Variants in RALY observed in about 807,000 individuals in gnomAD.
The protein encoded by RALY is RNA-binding protein Raly.
In RALY, 15 loss-of-function variants were observed where a neutral mutation model predicts 30.7. That is an observed-to-expected ratio of 0.49 (90% CI 0.33 to 0.75). RALY has a LOEUF of 0.75. RALY is among the 30% of genes least tolerant of loss of function. RALY has a pLI of 0.02. For missense variants in RALY, 339 were observed against 414.3 expected, an observed-to-expected ratio of 0.82 and a Z score of 1.58; for synonymous variants, 177 against 170.8, an observed-to-expected ratio of 1.04 and a Z score of -0.28.
At chr20:34,074,146 A>G (rs1359349633) in intron 5 of RALY, among the ~76,000 whole-genome samples, 1 of 152,178 alleles carries the variant, frequency 6.6e-6, no homozygotes, top group Non-Finnish European at 1.5e-5. Context: ...GCCAAGAGCT[A>G]TGTAAGTGTG....
At chr20:34,021,300 C>T (rs757933314) in intron 1 of RALY, among the ~76,000 whole-genome samples, 57 of 152,100 alleles carry the variant, frequency 3.7e-4, no homozygotes, top group Non-Finnish European at 5.9e-4. Context: ...GCTGCTGTAA[C>T]AGAATACCAT....
rs11697502 is a variant in RALY at position 34,063,949 on chromosome 20, G to A, written c.-9-8117G>A. The stretch of plus-strand genomic sequence containing the variant: ...GTGCCTTGTGGCCATGGTAGATGTC[G>A]CCTGCTGGATTGGGATTTGCTTGAG... On this transcript the variant is annotated intron_variant, in intron 2 of 9. Coordinates refer to ENST00000246194, the MANE Select transcript of RALY (RefSeq NM_016732.3). Among the ~76,000 whole-genome samples the A allele has an allele frequency of 1.7e-3, 263 of 152,032 alleles. 2 individuals are homozygous for A. In the Middle Eastern group the frequency reaches 0.048, roughly 28 times the overall value.
At chr20:34,020,012 G>C (rs2031758131) in intron 1 of RALY, among the ~76,000 whole-genome samples, 1 of 152,060 alleles carries the variant, frequency 6.6e-6, no homozygotes, top group Non-Finnish European at 1.5e-5. Context: ...AGTGAGCCGA[G>C]ATCCCGCCAC....
intron 5 of RALY, 125 bp downstream of exon 5, chr20:34,073,991 C>T (rs2033804022): frequency 9.5e-7 from 1 of 1,051,604 alleles, no homozygotes; most frequent in Admixed American, 2.2e-5. Context: ...CCTGGGGTTG[C>T]TCCACCAGTC....
chr20:34,032,183 G>A (rs1301412372), intron 2 of RALY, among the ~76,000 whole-genome samples: 5 of 152,124 alleles, frequency 3.3e-5, no homozygotes, highest in South Asian at 2.1e-4. Flanking sequence ...GACTGGTCTC[G>A]AACTCCCGAC....
At chr20:34,035,966 A>G (rs998113055) in intron 2 of RALY, among the ~76,000 whole-genome samples, 10 of 152,184 alleles carry the variant, frequency 6.6e-5, no homozygotes, top group Non-Finnish European at 1.0e-4. Flanking sequence ...TCTTGATTCT[A>G]AGGAACGAAA....
intron 1 of RALY, among the ~76,000 whole-genome samples, chr20:34,023,843 C>A (rs1276268525): frequency 6.6e-6 from 1 of 152,024 alleles, no homozygotes; most frequent in South Asian, 2.1e-4. Context: ...TGGAGGGGAC[C>A]TCAGTGTGGA....
intron 2 of RALY, among the ~76,000 whole-genome samples, chr20:34,033,956 A>C (rs1196919543): frequency 6.6e-6 from 1 of 152,172 alleles, no homozygotes; most frequent in Non-Finnish European, 1.5e-5. Flanking sequence ...TGACAAAGCC[A>C]GGTAGCACAG....
intron 5 of RALY, among the ~76,000 whole-genome samples, chr20:34,074,542 C>T (rs545021908): frequency 5.9e-5 from 9 of 152,278 alleles, no homozygotes; most frequent in African/African-American, 1.9e-4. Flanking sequence ...ATGAGTCGTC[C>T]GCCCCCATCC....
chr20:34,033,534 A>T (rs1420266752), intron 2 of RALY, among the ~76,000 whole-genome samples: 2 of 152,178 alleles, frequency 1.3e-5, no homozygotes, highest in East Asian at 3.9e-4. Flanking sequence ...ATCAGATGGT[A>T]AGAAAGGGAG....
chr20:34,047,444 G>C (rs2032920468), intron 2 of RALY, among the ~76,000 whole-genome samples: 1 of 152,208 alleles, frequency 6.6e-6, no homozygotes, highest in South Asian at 2.1e-4. Flanking sequence ...TTGAATGGAA[G>C]GACTGGTGAT....
chr20:34,080,761 C>G lies in RALY; in HGVS notation c.*856C>G, dbSNP rs1167404597. 6.6e-6 allele frequency: 1 copy of G among 152,422 alleles called. No individual in the cohort carries two copies. 9.4% of individuals were successfully genotyped at this position (152,422 alleles called of 1,614,324 possible). A position where few individuals can be genotyped will look rare whatever the true frequency, so the allele number is the denominator to read the frequency against. On this transcript the variant is annotated 3_prime_UTR_variant, in exon 10 of 10. Transcript: ENST00000246194. ...TCATCATCAGGACAAAACCCTACCTCCTGAATGTAGGGTGTAAGATCCTGC... is the reference window on the plus strand; with the variant it reads ...TCATCATCAGGACAAAACCCTACCTGCTGAATGTAGGGTGTAAGATCCTGC...
intron 1 of RALY, chr20:34,029,877 C>T (rs2032204806): frequency 6.6e-6 from 1 of 152,266 alleles, no homozygotes; most frequent in African/African-American, 2.4e-5. Context: ...TTCATTCCCT[C>T]TGAAATAAAA....
At chr20:34,052,573 T>A (rs1019198022) in intron 2 of RALY, among the ~76,000 whole-genome samples, 1 of 152,234 alleles carries the variant, frequency 6.6e-6, no homozygotes, top group African/African-American at 2.4e-5. Flanking sequence ...AGCATCAAGC[T>A]TTCTGTTTTG....
Position 34,081,035 on chromosome 20 carries a change from G to A in RALY, c.*1130G>A, listed in dbSNP as rs573843966. The A allele has an allele frequency of 3.3e-5, 5 of 152,292 alleles. No homozygotes were observed. The highest frequency in any genetic ancestry group is 1.9e-4 in the East Asian group (1 of 5,186). The allele number at this position is 152,292 out of a possible 1,614,324, so 9.4% of individuals were successfully genotyped here. A position where few individuals can be genotyped will look rare whatever the true frequency, so the allele number is the denominator to read the frequency against. ...AACAATCAGCCGGGTTCCTTCAAAC[G>A]TGTGCTGCTTATACATGCTCATTGT... On this transcript the variant is annotated 3_prime_UTR_variant, in exon 10 of 10. Coordinates refer to ENST00000246194, the MANE Select transcript of RALY (RefSeq NM_016732.3).
intron 1 of RALY, among the ~76,000 whole-genome samples, chr20:34,008,352 A>G (rs73257713): frequency 2.2e-4 from 34 of 152,236 alleles, no homozygotes; most frequent in African/African-American, 7.9e-4. Flanking sequence ...ATCAGGGGAG[A>G]ACATATATTT....
chr20:34,031,211 AT>A (rs11297874), intron 1 of RALY, among the ~76,000 whole-genome samples: 58,284 of 110,800 alleles, frequency 0.53, 12,887 homozygotes, highest in South Asian at 0.71. Context: ...TGCCTGGCTA[AT>A]TTTTTTTTTT....
intron 2 of RALY, among the ~76,000 whole-genome samples, chr20:34,037,889 G>A (rs1273294693): frequency 6.6e-6 from 1 of 152,190 alleles, no homozygotes; most frequent in Non-Finnish European, 1.5e-5. Flanking sequence ...GTAATCATCA[G>A]ATGGCTCCTA....
chr20:34,028,705 CAAAAAAAAAAAA>C lies in RALY; in HGVS notation c.-92-2799_-92-2788del, dbSNP rs71338492. Among the ~76,000 whole-genome samples, 32 of 20,446 alleles carry C rather than the reference CAAAAAAAAAAAA, an allele frequency of 1.6e-3. No individual in the cohort carries two copies. In the East Asian group the frequency reaches 0.023, roughly 15 times the overall value. 13.4% of individuals were successfully genotyped at this position (20,446 alleles called of 152,430 possible). A position where few individuals can be genotyped will look rare whatever the true frequency, so the allele number is the denominator to read the frequency against. On this transcript the variant is annotated intron_variant, in intron 1 of 9. Coordinates refer to ENST00000246194, the MANE Select transcript of RALY (RefSeq NM_016732.3). ...GGTGACAGAGCGAGAGACTCCATCTCAAAAAAAAAAAAAAAAAAAAAAAAAAAAACATGGCAG... is the reference window on the plus strand; with the variant it reads ...GGTGACAGAGCGAGAGACTCCATCTCAAAAAAAAAAAAAAAAACATGGCAG...
Sources: allele counts gnomAD v4.1 joint callset (sites outside exome capture counted in the v4.1 genomes callset), GRCh38; gene constraint gnomAD v4.1.1; transcripts MANE v1.5; gene names NCBI Gene and HGNC (gene_info 2026-07-23, HGNC 2026-07-21).